PHACTR1: variants seen among roughly 807,000 people sequenced by gnomAD.
The protein encoded by PHACTR1 is RPEL repeat containing 1.
In PHACTR1, 16 loss-of-function variants were observed where a neutral mutation model predicts 69.2. The ratio of observed to expected loss-of-function variants is 0.23; its 90% CI spans 0.16 to 0.35. The LOEUF is 0.35. Among genes scored for constraint, PHACTR1 ranks in the 10% least tolerant of loss-of-function variants. PHACTR1 has a pLI of 1.00. For missense variants in PHACTR1, 510 were observed against 734.7 expected (o/e 0.69, Z 3.54); for synonymous variants, 312 against 284.5 (o/e 1.10, Z -0.97).
At chr6:12,794,273 C>A (rs1772698630) in intron 4 of PHACTR1, among the ~76,000 whole-genome samples, 1 of 152,142 alleles carries the variant, frequency 6.6e-6, no homozygotes, top group African/African-American at 2.4e-5. Flanking sequence ...GACTATGATA[C>A]CATTTTATAA....
At chr6:13,141,860 G>A (rs1225466141) in intron 5 of PHACTR1, among the ~76,000 whole-genome samples, 1 of 150,910 alleles carries the variant, frequency 6.6e-6, no homozygotes, top group Non-Finnish European at 1.5e-5. Flanking sequence ...AGTTACTAAA[G>A]GTTGATTTTT....
intron 3 of PHACTR1, among the ~76,000 whole-genome samples, chr6:12,746,235 G>A (rs1765768026): frequency 6.6e-6 from 1 of 152,194 alleles, no homozygotes; most frequent in South Asian, 2.1e-4. Flanking sequence ...AAATAAAAAT[G>A]TGATAAAAGA....
intron 10 of PHACTR1, among the ~76,000 whole-genome samples, chr6:13,234,071 G>A (rs1771634539): frequency 6.6e-6 from 1 of 152,232 alleles, no homozygotes; most frequent in African/African-American, 2.4e-5. Flanking sequence ...CATTAATGCA[G>A]ACCCAAAGAG....
chr6:12,982,161 A>G (rs1237090483), intron 4 of PHACTR1, among the ~76,000 whole-genome samples: 1 of 152,188 alleles, frequency 6.6e-6, no homozygotes, highest in Non-Finnish European at 1.5e-5. Flanking sequence ...AGGTCTTAAC[A>G]TCCTCATTCT....
intron 4 of PHACTR1, among the ~76,000 whole-genome samples, chr6:13,007,409 C>T (rs1449286779): frequency 6.6e-6 from 1 of 152,168 alleles, no homozygotes; most frequent in African/African-American, 2.4e-5. Flanking sequence ...AGAAGTCTCA[C>T]TAATCTCTGA....
At chr6:13,189,367 T>G (rs1763206747) in intron 7 of PHACTR1, among the ~76,000 whole-genome samples, 1 of 152,138 alleles carries the variant, frequency 6.6e-6, no homozygotes, top group African/African-American at 2.4e-5. Flanking sequence ...ACCATTTGTT[T>G]ATAGTATCTC....
At chr6:12,790,395 C>A (rs536269700) in intron 4 of PHACTR1, among the ~76,000 whole-genome samples, 2 of 152,176 alleles carry the variant, frequency 1.3e-5, no homozygotes, top group African/African-American at 4.8e-5. Flanking sequence ...GCCTGGAATG[C>A]TCTTTTCCAG....
intron 10 of PHACTR1, among the ~76,000 whole-genome samples, chr6:13,254,529 C>T (rs1774921789): frequency 6.6e-6 from 1 of 152,216 alleles, no homozygotes; most frequent in Admixed American, 6.5e-5. Context: ...TCTCCTTCCT[C>T]TTTGGATATC....
At chr6:13,060,224 G>A in intron 5 of PHACTR1, among the ~76,000 whole-genome samples, 1 of 152,212 alleles carries the variant, frequency 6.6e-6, no homozygotes, top group East Asian at 1.9e-4. Context: ...GAGATCATTG[G>A]TGACTTAGCA....
At chr6:13,205,697 A>AT in intron 7 of PHACTR1, 118 bp from the exon 8 acceptor site, 1 of 979,972 alleles carries the variant, frequency 1.0e-6, no homozygotes, top group Non-Finnish European at 1.5e-6. Context: ...CAACTGACGC[A>AT]TTTTACCTAA....
rs138544810 is a variant in PHACTR1 at position 13,195,625 on chromosome 6, G to A, written c.665-10190G>A. ...CTACAAAAATTAGCTGGGCGTTGTGGCGAGCACCTGTAATCCCAGCTACTC... is the reference window on the plus strand; with the variant it reads ...CTACAAAAATTAGCTGGGCGTTGTGACGAGCACCTGTAATCCCAGCTACTC... On this transcript the variant is annotated intron_variant, in intron 7 of 14. Transcript: ENST00000332995. Among the ~76,000 whole-genome samples, 797 of 151,842 alleles carry A rather than the reference G, an allele frequency of 5.2e-3. 5 individuals carry two copies. The highest frequency in any genetic ancestry group is 9.2e-3 in the Admixed American group (140 of 15,234).
chr6:12,910,114 G>A (rs1786215237), intron 4 of PHACTR1, among the ~76,000 whole-genome samples: 1 of 134,456 alleles, frequency 7.4e-6, no homozygotes, highest in Non-Finnish European at 1.7e-5. Context: ...GCCAAGTCCA[G>A]GCTTTGTATA....
chr6:13,276,497 C>T (rs1403054455), intron 11 of PHACTR1, among the ~76,000 whole-genome samples: 6 of 152,222 alleles, frequency 3.9e-5, no homozygotes, highest in Admixed American at 6.5e-5. Flanking sequence ...CAAGGCCGGG[C>T]GCGGTGGCTC....
chr6:13,011,390 T>C (rs1365292235), intron 4 of PHACTR1, among the ~76,000 whole-genome samples: 2 of 152,210 alleles, frequency 1.3e-5, no homozygotes, highest in African/African-American at 4.8e-5. Flanking sequence ...GGGAGGACAG[T>C]TCAGAAAGAT....
At chr6:12,719,942 C>A (rs1411640847) in intron 3 of PHACTR1, among the ~76,000 whole-genome samples, 1 of 152,232 alleles carries the variant, frequency 6.6e-6, no homozygotes, top group African/African-American at 2.4e-5. Context: ...GGTTGATTTG[C>A]TGAGGTCTGT....
chr6:13,208,633 C>CCCCA lies in PHACTR1; in HGVS notation c.986+2500_986+2501insACCC, dbSNP rs954653066. On this transcript the variant is annotated intron_variant, in intron 8 of 14. Coordinates refer to ENST00000332995, the MANE Select transcript of PHACTR1 (RefSeq NM_030948.6). ...AGCAGCCAACGTCATTGCTGCCCAC[C>CCCCA]CCCCCAACCCCATGTCTACATGCAC... is the stretch of plus-strand genomic sequence containing the variant. Among the ~76,000 whole-genome samples the CCCCA allele has an allele frequency of 9.2e-4, 138 of 150,520 alleles. No homozygotes were observed. The Middle Eastern group carries it at 0.01, about 11-fold the overall frequency.
chr6:12,970,501 G>A (rs186248499), intron 4 of PHACTR1, among the ~76,000 whole-genome samples: 10 of 152,316 alleles, frequency 6.6e-5, no homozygotes, highest in Non-Finnish European at 1.2e-4. Context: ...CCGGCGTAGT[G>A]GCTCACGCCT....
chr6:12,873,448 A>C (rs1782253612), intron 4 of PHACTR1, among the ~76,000 whole-genome samples: 1 of 152,154 alleles, frequency 6.6e-6, no homozygotes, highest in Non-Finnish European at 1.5e-5. Flanking sequence ...GCCTGCTCTC[A>C]AGGACATTAT....
intron 4 of PHACTR1, among the ~76,000 whole-genome samples, chr6:12,959,171 T>TA (rs1427024024): frequency 6.7e-5 from 4 of 59,456 alleles, no homozygotes; most frequent in African/African-American, 6.1e-4. Context: ...AGTGAGACTT[T>TA]ATCTCAAAAA....
Sources: allele counts gnomAD v4.1 joint callset (sites outside exome capture counted in the v4.1 genomes callset), GRCh38; gene constraint gnomAD v4.1.1; transcripts MANE v1.5; gene names NCBI Gene and HGNC (gene_info 2026-07-23, HGNC 2026-07-21).